Variants in CDKL1 observed in about 807,000 individuals in gnomAD.
CDKL1 encodes the protein cyclin-dependent kinase-like 1.
CDKL1 carries 41 observed loss-of-function variants against 42.0 expected under a neutral mutation model. That is an observed-to-expected ratio of 0.98 (90% CI 0.76 to 1.27). The LOEUF (loss-of-function observed/expected upper bound fraction) is 1.27. CDKL1 is among the 50% of genes most tolerant of loss of function. The pLI is 0.00. For missense variants in CDKL1, 394 were observed against 428.4 expected (o/e 0.92, Z 0.71); for synonymous variants, 153 against 158.6 (o/e 0.96, Z 0.26).
intron 8 of CDKL1, chr14:50,332,921 T>G: frequency 2.7e-6 from 1 of 373,970 alleles, no homozygotes. Context: ...TTTTTTTTTT[T>G]TTGGTGTATC....
chr14:50,338,219 T>C (rs1443804774), intron 7 of CDKL1, among the ~76,000 whole-genome samples: 1 of 151,996 alleles, frequency 6.6e-6, no homozygotes, highest in Non-Finnish European at 1.5e-5. Context: ...AAGGAAGTTT[T>C]TATTTATTTA....
intron 2 of CDKL1, among the ~76,000 whole-genome samples, chr14:50,381,733 G>A (rs17717394): frequency 6.6e-6 from 1 of 151,240 alleles, no homozygotes; most frequent in Non-Finnish European, 1.5e-5. Flanking sequence ...ACATCTGTTG[G>A]TTTAGAAATT....
At chr14:50,377,664 T>A in intron 2 of CDKL1, 1 of 1,351,324 alleles carries the variant, frequency 7.4e-7, no homozygotes, top group Non-Finnish European at 9.9e-7. Context: ...CAGGGAGGTG[T>A]AGCAACACAG....
intron 6 of CDKL1, among the ~76,000 whole-genome samples, chr14:50,339,749 C>G (rs1343021519): frequency 6.6e-6 from 1 of 152,116 alleles, no homozygotes; most frequent in East Asian, 1.9e-4. Flanking sequence ...GGAAGCTCCT[C>G]CTGCCCACAT....
At chr14:50,384,470 G>A (rs1386529329) in intron 2 of CDKL1, among the ~76,000 whole-genome samples, 2 of 152,208 alleles carry the variant, frequency 1.3e-5, no homozygotes, top group Non-Finnish European at 2.9e-5. Context: ...ACATTTGGCT[G>A]TGCCACACAG....
rs71118873 is a variant in CDKL1, at chr14:50,358,636, C to CTTTTTTT, written c.290+385_290+391dup. Among the ~76,000 whole-genome samples, 21 of 67,640 alleles carry CTTTTTTT rather than the reference C, an allele frequency of 3.1e-4. 7 individuals are homozygous for CTTTTTTT. The highest frequency in any genetic ancestry group is 4.1e-4 in the Non-Finnish European group (15 of 36,160). The allele number at this position is 67,640 out of a possible 152,430, so 44.4% of individuals were successfully genotyped here. A position where few individuals can be genotyped will look rare whatever the true frequency, so the allele number is the denominator to read the frequency against. On this transcript the variant is annotated intron_variant, in intron 3 of 9. Coordinates refer to ENST00000395834, the MANE Select transcript of CDKL1 (RefSeq NM_004196.7). ...CAAACACTGGCTGTTTTTAACTAGT[C>CTTTTTTT]TTTTTTTTTTTTTTTTTTTTTGAGA...
Position 50,326,707 on chromosome 14 carries a change from T to TA in CDKL1, c.*3366dup. 1 of 985,358 alleles carries TA rather than the reference T, an allele frequency of 1.0e-6. No homozygotes were observed. Among genetic ancestry groups the TA allele is most frequent in the African/African-American group, 1.7e-5 (1 of 57,336 alleles). The allele number at this position is 985,358 out of a possible 1,614,324, so 61.0% of individuals were successfully genotyped here. ...GATTGCAATATAATAAAGGAAACAGTAAAAACTAGTGGGCTATGCTTAGGT... is the reference window on the plus strand; with the variant it reads ...GATTGCAATATAATAAAGGAAACAGTAAAAAACTAGTGGGCTATGCTTAGGT... On this transcript the variant is annotated 3_prime_UTR_variant, in exon 10 of 10. Transcript: ENST00000395834.
intron 7 of CDKL1, chr14:50,335,547 A>G (rs1314285342): frequency 2.0e-6 from 3 of 1,536,010 alleles, no homozygotes; most frequent in Non-Finnish European, 2.6e-6. Context: ...TGCTGGAGAC[A>G]ATCAGGAATA....
intron 2 of CDKL1, among the ~76,000 whole-genome samples, chr14:50,382,884 T>C (rs1402016295): frequency 6.6e-6 from 1 of 152,044 alleles, no homozygotes; most frequent in Non-Finnish European, 1.5e-5. Flanking sequence ...TAAGCCACCA[T>C]GCCCAGCCAA....
At chr14:50,360,248 G>A (rs2034196369) in intron 2 of CDKL1, among the ~76,000 whole-genome samples, 2 of 152,212 alleles carry the variant, frequency 1.3e-5, no homozygotes, top group South Asian at 4.1e-4. Context: ...CATTTTAAGT[G>A]TACAGCTCAG....
chr14:50,363,955 A>C (rs2034364253), intron 2 of CDKL1: 1 of 152,318 alleles, frequency 6.6e-6, no homozygotes, highest in East Asian at 1.9e-4. Context: ...TCCTGTCTCT[A>C]AAGCATGCCC....
At chr14:50,345,179 A>C in intron 3 of CDKL1, 121 bp from the exon 4 acceptor site, 1 of 751,082 alleles carries the variant, frequency 1.3e-6, no homozygotes, top group Non-Finnish European at 2.2e-6. Flanking sequence ...ACACATAGTC[A>C]TCTTACTCAT....
At chr14:50,352,995 T>C (rs2033948144) in intron 3 of CDKL1, among the ~76,000 whole-genome samples, 1 of 152,258 alleles carries the variant, frequency 6.6e-6, no homozygotes, top group Non-Finnish European at 1.5e-5. Flanking sequence ...TCATTGCTGT[T>C]AAACTGAGAT....
chr14:50,334,115 A>T (rs4901018), intron 8 of CDKL1: 81,404 of 151,846 alleles, frequency 0.54, 22,177 homozygotes, highest in East Asian at 0.62. Flanking sequence ...TCTTAATAGG[A>T]TGTGATCCAT....
At chr14:50,383,736 T>C (rs1174590906) in intron 2 of CDKL1, among the ~76,000 whole-genome samples, 1 of 152,202 alleles carries the variant, frequency 6.6e-6, no homozygotes, top group Non-Finnish European at 1.5e-5. Flanking sequence ...ATTTGTTTTC[T>C]AGAGTCTACA....
In CDKL1 at chr14:50,359,121, A is replaced by G. The variant is rs11570814; in HGVS notation, c.197T>C (p.Leu66Pro). ...CCGTTTCCTCCTGAAGACTTCCAGG[A>G]GGTTAACAAGGTTGGGATGCTTGAG... ...KQLKHPNLVN[L>P]LEVFRRKRRL... is the part of the protein sequence containing the mutation. Residue 66 changes from leucine (L) to proline (P), a missense_variant, in exon 3 of 10, where the codon CTC (leucine) becomes CCC (proline). Coordinates refer to ENST00000395834, the MANE Select transcript of CDKL1 (RefSeq NM_004196.7). The G allele has an allele frequency of 3.2e-4, 521 of 1,612,400 alleles. 9 individuals carry two copies. The highest frequency in any genetic ancestry group is 4.1e-4 in the Non-Finnish European group (480 of 1,178,706).
At chr14:50,374,575 C>T (rs1423744653) in intron 2 of CDKL1, among the ~76,000 whole-genome samples, 2 of 152,146 alleles carry the variant, frequency 1.3e-5, no homozygotes, top group Non-Finnish European at 2.9e-5. Flanking sequence ...GGAGACAAGG[C>T]TAGAATGACC....
In CDKL1 at chr14:50,341,141, C is replaced by T. The variant is rs376762956; in HGVS notation, c.546G>A (p.Pro182=). The T allele has an allele frequency of 1.8e-5, 29 of 1,614,060 alleles. No individual in the cohort carries two copies. The highest frequency in any genetic ancestry group is 1.6e-4 in the Middle Eastern group (1 of 6,084). ...CACAGCCAATTGCCCAAACATCCAC[C>T]GGGGGGCCGTACTGCGTGTCCCCCA... The part of the protein sequence containing the change: ...LLVGDTQYGP[P]VDVWAIGCVF... The change falls in exon 6 of 10, where the codon CCG becomes CCA. Residue 182 remains proline (P), a synonymous_variant. Transcript: ENST00000395834.
chr14:50,342,970 AC>A, intron 4 of CDKL1: 2 of 1,356,658 alleles, frequency 1.5e-6, no homozygotes, highest in South Asian at 1.2e-5. Context: ...AGCTGCAGCC[AC>A]CCCTCGAGAT....
Sources: allele counts gnomAD v4.1 joint callset (sites outside exome capture counted in the v4.1 genomes callset), GRCh38; gene constraint gnomAD v4.1.1; transcripts MANE v1.5; gene names NCBI Gene and HGNC (gene_info 2026-07-23, HGNC 2026-07-21).